PMPCB: variants seen among roughly 807,000 people sequenced by gnomAD.
The protein encoded by PMPCB is mitochondrial-processing peptidase subunit beta.
In PMPCB, 46 loss-of-function variants were observed where a neutral mutation model predicts 61.5. That is an observed-to-expected ratio of 0.75 (90% confidence interval 0.59 to 0.96). The LOEUF (loss-of-function observed/expected upper bound fraction) is 0.96, where lower values mean the gene tolerates loss of function less well. Among genes scored for constraint, PMPCB ranks in the 40% least tolerant of loss-of-function variants. The pLI is 0.00. For synonymous variants in PMPCB, 191 were observed against 201.6 expected (o/e 0.95, Z 0.44); for missense variants, 590 against 602.4 (o/e 0.98, Z 0.22).
chr7:103,332,241 A>G (rs532434793), downstream of PMPCB, among the ~76,000 whole-genome samples: 38 of 152,230 alleles, frequency 2.5e-4, no homozygotes, highest in East Asian at 9.7e-4. Flanking sequence ...TCCTGACCTC[A>G]TGATCCGCCC....
At chr7:103,341,394 G>A in the PMPCB span, among the ~76,000 whole-genome samples, 574 of 152,210 alleles carry the variant, frequency 3.8e-3, 4 homozygotes, top group African/African-American at 0.014. Context: ...TCACCATACC[G>A]CATGTACCCT....
chr7:103,332,009 T>A (rs1818993817), downstream of PMPCB, among the ~76,000 whole-genome samples: 1 of 2,268 alleles, frequency 4.4e-4, no homozygotes, highest in South Asian at 0.015. Context: ...AATTTGCTAT[T>A]TTTTTTTTTT....
chr7:103,322,468 T>C (rs1383346245), intron 12 of PMPCB: 1 of 1,398,044 alleles, frequency 7.2e-7, no homozygotes, highest in Admixed American at 2.6e-5. Context: ...GATTAAAGAT[T>C]TCATAAACAT....
At position 103,309,061 on chromosome 7, in the gene PMPCB, T is replaced by C. The variant is rs139463753; in HGVS notation, c.959T>C (p.Ile320Thr). Residue 320 changes from isoleucine to threonine, a missense_variant, in exon 8 of 13, where the codon ATT (isoleucine) becomes ACT (threonine). Coordinates refer to ENST00000249269, the MANE Select transcript of PMPCB (RefSeq NM_004279.3). ...TGTCTCATGGTTGCAAACACGCTGA[T>C]TGGCAACTGGGATCGCTCTTTTGGG... ...TICLMVANTL[I>T]GNWDRSFGGG... The C allele has an allele frequency of 1.6e-4, 264 of 1,608,514 alleles. 1 individual carries two copies. Among genetic ancestry groups the C allele is most frequent in the South Asian group, 5.6e-4 (51 of 90,336 alleles).
At chr7:103,344,522 T>TGAGGTGAGAAGGAACC in the PMPCB span, 1 of 1,612,034 alleles carries the variant, frequency 6.2e-7, no homozygotes, top group Non-Finnish European at 8.5e-7. Context: ...CAGGGGCAGC[T>TGAGGTGAGAAGGAACC]GAGGTGAGAA....
chr7:103,316,923 C>T (rs1330980336), downstream of PMPCB: 2 of 1,613,946 alleles, frequency 1.2e-6, no homozygotes, highest in African/African-American at 1.3e-5. Context: ...TCCACCTCCA[C>T]CAGTTGATTT....
At chr7:103,326,463 G>A in intron 12 of PMPCB, 1 of 1,372,442 alleles carries the variant, frequency 7.3e-7, no homozygotes, top group East Asian at 2.3e-5. Flanking sequence ...ACTATTATCA[G>A]AGGGAAAGAG....
At chr7:103,320,469 A>G (rs1172729546) in intron 12 of PMPCB, among the ~76,000 whole-genome samples, 1 of 151,974 alleles carries the variant, frequency 6.6e-6, no homozygotes, top group African/African-American at 2.4e-5. Context: ...TCATCTTACC[A>G]TTATCAAACC....
Position 103,304,117 on chromosome 7 carries a change from G to A in PMPCB, c.656+77G>A, listed in dbSNP as rs1201522142. The A allele has an allele frequency of 5.9e-6, 7 of 1,180,028 alleles. No homozygotes were observed. In the Middle Eastern group the frequency reaches 6.5e-4, roughly 110 times the overall value. The allele number at this position is 1,180,028 out of a possible 1,614,324, so 73.1% of individuals were successfully genotyped here. On this transcript the variant is annotated intron_variant, in intron 5 of 12. Coordinates refer to ENST00000249269, the MANE Select transcript of PMPCB (RefSeq NM_004279.3). ...ATAAACATTTACAAATTTTCAAAAA[G>A]TATGTTTCAGAAAGTAATTTTCCCC...
chr7:103,307,555 T>C, intron 6 of PMPCB, 41 bp from the exon 7 acceptor site: 1 of 1,147,126 alleles, frequency 8.7e-7, no homozygotes, highest in Non-Finnish European at 1.3e-6. Context: ...GTAAACTATA[T>C]TGCTGCTAGA....
chr7:103,316,178 G>T, downstream of PMPCB: 1 of 748,130 alleles, frequency 1.3e-6, no homozygotes, highest in Non-Finnish European at 2.1e-6. Flanking sequence ...CTGCAGAAAG[G>T]TTATAGTATG....
chr7:103,307,771 A>C, intron 7 of PMPCB, 63 bp downstream of exon 7: 3 of 876,298 alleles, frequency 3.4e-6, no homozygotes, highest in Non-Finnish European at 5.8e-6. Context: ...TTTACACATA[A>C]GTAAACAAAA....
the PMPCB span, chr7:103,344,482 GC>G: frequency 1.3e-6 from 2 of 1,539,896 alleles, no homozygotes; most frequent in Admixed American, 3.3e-5. Flanking sequence ...GGTAGAGAGA[GC>G]CCAGGGTTGC....
At chr7:103,310,264 A>T in intron 8 of PMPCB, 51 bp from the exon 9 acceptor site, 2 of 1,407,940 alleles carry the variant, frequency 1.4e-6, no homozygotes, top group African/African-American at 1.4e-5. Flanking sequence ...TTCTTTCTGT[A>T]TTTTGGACAT....
At chr7:103,329,635 A>G (rs945711929), downstream of PMPCB, 1 of 152,090 alleles carries the variant, frequency 6.6e-6, no homozygotes, top group African/African-American at 2.4e-5. Flanking sequence ...CATTTTTCAA[A>G]ATCTTACTGT....
chr7:103,316,932 TTC>T, downstream of PMPCB: 2 of 1,614,122 alleles, frequency 1.2e-6, no homozygotes, highest in Non-Finnish European at 1.7e-6. Context: ...ACCAGTTGAT[TTC>T]TCTGTGTTCT....
the PMPCB span, among the ~76,000 whole-genome samples, chr7:103,341,543 G>A: frequency 6.6e-6 from 1 of 152,184 alleles, no homozygotes; most frequent in African/African-American, 2.4e-5. Context: ...TAAGACCGGT[G>A]CAAACATTAT....
intron 12 of PMPCB, chr7:103,320,768 T>C (rs1037886771): frequency 1.0e-4 from 16 of 157,480 alleles, no homozygotes; most frequent in South Asian, 7.6e-4. Context: ...TACACATATA[T>C]ATATATATAT....
chr7:103,310,215 G>T, intron 8 of PMPCB, 100 bp from the exon 9 acceptor site: 1 of 822,658 alleles, frequency 1.2e-6, no homozygotes, highest in Non-Finnish European at 2.0e-6. Context: ...CTAGGAAACA[G>T]CCTCTAAGGA....
Sources: allele counts gnomAD v4.1 joint callset (sites outside exome capture counted in the v4.1 genomes callset), GRCh38; gene constraint gnomAD v4.1.1; transcripts MANE v1.5; gene names NCBI Gene and HGNC (gene_info 2026-07-23, HGNC 2026-07-21).